The following CDH19 variants were observed in gnomAD, a reference collection of about 807,000 sequenced individuals.
The protein encoded by CDH19 is cadherin-19.
Under a neutral mutation model 64.2 loss-of-function variants are expected in CDH19, and 67 were observed. The observed-to-expected ratio is 1.04, with a 90% CI of 0.86 to 1.28. CDH19 has a LOEUF of 1.28. Ranked by LOEUF, CDH19 falls within the 50% of genes most tolerant of loss-of-function variation. The probability of loss-of-function intolerance (pLI) is 0.00; values close to 1 mark genes in which losing one functional copy is unlikely to be tolerated. For missense variants in CDH19, 1,030 were observed against 929.0 expected, an observed-to-expected ratio of 1.11 and a Z score of -1.41; for synonymous variants, 346 against 319.3, an observed-to-expected ratio of 1.08 and a Z score of -0.89.
intron 9 of CDH19, among the ~76,000 whole-genome samples, chr18:66,521,382 C>T (rs1211820988): frequency 6.6e-6 from 1 of 152,128 alleles, no homozygotes; most frequent in African/African-American, 2.4e-5. Flanking sequence ...ACTACATCAA[C>T]ACGAGGTACT....
At chr18:66,587,727 C>A (rs570391534) in intron 1 of CDH19, among the ~76,000 whole-genome samples, 1 of 152,058 alleles carries the variant, frequency 6.6e-6, no homozygotes, top group Non-Finnish European at 1.5e-5. Flanking sequence ...ACCAAGCCTG[C>A]GTCACTGAGT....
intron 5 of CDH19, among the ~76,000 whole-genome samples, chr18:66,545,135 C>T (rs769067112): frequency 5.9e-5 from 9 of 151,864 alleles, no homozygotes; most frequent in Admixed American, 3.3e-4. Flanking sequence ...CCCACCACCA[C>T]GCCCGGCTAA....
At chr18:66,506,798 A>G (rs1271987828) in intron 11 of CDH19, among the ~76,000 whole-genome samples, 3 of 151,920 alleles carry the variant, frequency 2.0e-5, no homozygotes, top group Admixed American at 2.0e-4. Flanking sequence ...TAATGTTATG[A>G]ATAGTATCAC....
chr18:66,555,223 A>C (rs1242477901), intron 3 of CDH19, among the ~76,000 whole-genome samples: 1 of 151,894 alleles, frequency 6.6e-6, no homozygotes, highest in Non-Finnish European at 1.5e-5. Context: ...TTGAGTTTTC[A>C]AAGTATCTTT....
rs767524131 is a variant in CDH19, at chr18:66,572,152, G to C, written c.53C>G (p.Pro18Arg). 3.1e-6 allele frequency: 5 copies of C among 1,611,232 alleles called. No homozygotes were observed. In the African/African-American group the frequency reaches 4.0e-5, roughly 13 times the overall value. The change falls in exon 2 of 12, where the codon CCT becomes CGT. Residue 18 changes from proline to arginine, a missense_variant. By Grantham distance (103) the Pro-to-Arg change is moderately radical. Transcript: ENST00000262150. Reference protein sequence around the residue: ...RFMLGIPLLWPCLGATENSQT... With the variant: ...RFMLGIPLLWRCLGATENSQT... ...AGAGTTTTCTGTTGCTCCAAGACAA[G>C]GCCATAGGAGAGGAATTCCCAACAT...
At chr18:66,560,901 T>C (rs1274949236) in intron 3 of CDH19, among the ~76,000 whole-genome samples, 2 of 152,120 alleles carry the variant, frequency 1.3e-5, no homozygotes, top group East Asian at 3.9e-4. Flanking sequence ...AAATTCTACA[T>C]TTTATACTGG....
chr18:66,555,105 C>T (rs1270843982), intron 3 of CDH19, among the ~76,000 whole-genome samples: 2 of 151,698 alleles, frequency 1.3e-5, no homozygotes, highest in Non-Finnish European at 3.0e-5. Context: ...ATATTGATAA[C>T]ATAAGCATTC....
chr18:66,563,308 A>G (rs770413472), intron 3 of CDH19, among the ~76,000 whole-genome samples: 1 of 152,062 alleles, frequency 6.6e-6, no homozygotes, highest in African/African-American at 2.4e-5. Flanking sequence ...TTAGAATGTT[A>G]TATTTTATTC....
At chr18:66,585,059 C>T (rs576684533) in intron 1 of CDH19, among the ~76,000 whole-genome samples, 7 of 152,044 alleles carry the variant, frequency 4.6e-5, no homozygotes, top group South Asian at 2.1e-4. Flanking sequence ...GTTGAACAAA[C>T]GACCAACCGT....
chr18:66,592,600 T>C (rs1424209918), intron 1 of CDH19, among the ~76,000 whole-genome samples: 1 of 151,810 alleles, frequency 6.6e-6, no homozygotes, highest in African/African-American at 2.4e-5. Flanking sequence ...TAGCTTAATT[T>C]TATTCTAGCT....
intron 9 of CDH19, among the ~76,000 whole-genome samples, chr18:66,512,225 T>C (rs1985525600): frequency 6.6e-6 from 1 of 151,564 alleles, no homozygotes; most frequent in South Asian, 2.1e-4. Context: ...ATAATGATTA[T>C]AGGAAAGTGT....
intron 9 of CDH19, among the ~76,000 whole-genome samples, chr18:66,524,533 TGTTTGTG>T (rs1986134681): frequency 8.0e-6 from 1 of 125,592 alleles, no homozygotes; most frequent in East Asian, 2.2e-4. Context: ...TATGCGTGTA[TGTTTGTG>T]TGTATATATA....
At chr18:66,542,024 T>C (rs903749365) in intron 7 of CDH19, among the ~76,000 whole-genome samples, 1 of 152,162 alleles carries the variant, frequency 6.6e-6, no homozygotes, top group Non-Finnish European at 1.5e-5. Flanking sequence ...TCACTTGTAC[T>C]CCTAAAATTA....
chr18:66,512,529 A>C (rs915311700), intron 9 of CDH19, among the ~76,000 whole-genome samples: 1 of 151,552 alleles, frequency 6.6e-6, no homozygotes, highest in African/African-American at 2.4e-5. Flanking sequence ...TGACAAGCCC[A>C]GATTTATATT....
At chr18:66,509,901 T>C (rs1275930178) in intron 10 of CDH19, among the ~76,000 whole-genome samples, 1 of 151,912 alleles carries the variant, frequency 6.6e-6, no homozygotes, top group Admixed American at 6.6e-5. Context: ...ATCTATTTTG[T>C]ATTTAAAATT....
At chr18:66,591,638 A>G (rs926811536) in intron 1 of CDH19, among the ~76,000 whole-genome samples, 2 of 151,832 alleles carry the variant, frequency 1.3e-5, no homozygotes, top group African/African-American at 4.8e-5. Flanking sequence ...CTTACCTTAT[A>G]TTGTCACTGT....
At chr18:66,527,806 G>C (rs1986283928) in intron 9 of CDH19, among the ~76,000 whole-genome samples, 1 of 151,582 alleles carries the variant, frequency 6.6e-6, no homozygotes, top group Admixed American at 6.6e-5. Flanking sequence ...TTACCACATG[G>C]GACATTTACA....
intron 9 of CDH19, among the ~76,000 whole-genome samples, chr18:66,523,635 C>T (rs1369282417): frequency 1.3e-5 from 2 of 151,020 alleles, no homozygotes; most frequent in Non-Finnish European, 3.0e-5. Flanking sequence ...GAGTGGGTCT[C>T]AAGGCGGTTG....
intron 3 of CDH19, among the ~76,000 whole-genome samples, chr18:66,560,527 GA>G (rs1257356817): frequency 6.6e-6 from 1 of 151,442 alleles, no homozygotes; most frequent in African/African-American, 2.4e-5. Context: ...AAAACTTTCA[GA>G]AAAAAAGAAA....
Sources: allele counts gnomAD v4.1 joint callset (sites outside exome capture counted in the v4.1 genomes callset), GRCh38; gene constraint gnomAD v4.1.1; transcripts MANE v1.5; gene names NCBI Gene and HGNC (gene_info 2026-07-23, HGNC 2026-07-21).